KIAA1549L: variants seen among roughly 807,000 people sequenced by gnomAD.
The protein encoded by KIAA1549L is KIAA1549 like, also known as UPF0606 protein KIAA1549L.
Under a neutral mutation model 160.7 loss-of-function variants are expected in KIAA1549L, and 88 were observed. The ratio of observed to expected loss-of-function variants is 0.55; its 90% CI spans 0.46 to 0.65. KIAA1549L has a LOEUF of 0.65. Ranked by LOEUF, KIAA1549L falls within the 30% of genes least tolerant of loss-of-function variation. The pLI, the probability that KIAA1549L is intolerant of heterozygous loss-of-function variation, is 0.00. For missense variants in KIAA1549L, 2,258 were observed against 2,437.5 expected, an observed-to-expected ratio of 0.93 and a Z score of 1.55; for synonymous variants, 950 against 976.7, an observed-to-expected ratio of 0.97 and a Z score of 0.51.
At chr11:33,450,579 C>CAAA (rs1252412565) in intron 1 of KIAA1549L, 6 of 113,500 alleles carry the variant, frequency 5.3e-5, no homozygotes, top group African/African-American at 2.1e-4. Context: ...ACAACAACAA[C>CAAA]AACAACAACA....
rs1363142771 is a variant in KIAA1549L, at chr11:33,668,022, G to A, written c.6309G>A (p.Gln2103=). The A allele has an allele frequency of 6.2e-7, 1 of 1,614,024 alleles. No individual in the cohort carries two copies. The highest frequency in any genetic ancestry group is 1.1e-5 in the South Asian group (1 of 91,088). ...CGCCCTCCACAGCGGCCTCGCAGCA[G>A]AGCCTGGCAGAAAACGACCCGTCTG... ...APAPSTAASQ[Q]SLAENDPSDA... Residue 2103 remains glutamine (Q), a synonymous_variant, in exon 21 of 21, where the codon CAG becomes CAA. Coordinates refer to ENST00000658780, the MANE Select transcript of KIAA1549L (RefSeq NM_012194.3).
At chr11:33,473,317 G>C (rs1666671464) in intron 1 of KIAA1549L, among the ~76,000 whole-genome samples, 1 of 152,150 alleles carries the variant, frequency 6.6e-6, no homozygotes, top group African/African-American at 2.4e-5. Flanking sequence ...ATTAAGTACT[G>C]TAGGGTCAAA....
chr11:33,541,978 C>A lies in KIAA1549L; in HGVS notation c.415C>A (p.Arg139=). The change falls in exon 2 of 21, where the codon CGA becomes AGA. Residue 139 remains arginine, a synonymous_variant. Coordinates refer to ENST00000658780, the MANE Select transcript of KIAA1549L (RefSeq NM_012194.3). ...CAACACAAGCTTGCCACAGTCAGCC[C>A]GAACCCCTGCGTCCAAGACACACCA... ...SDNTSLPQSA[R]TPASKTHHRT... is the part of the protein sequence containing the mutation. 2.4e-6 allele frequency: 1 copy of A among 410,392 alleles called. No individual in the cohort carries two copies. Among genetic ancestry groups the A allele is most frequent in the South Asian group, 1.7e-5 (1 of 57,490 alleles). 25.4% of individuals were successfully genotyped at this position (410,392 alleles called of 1,614,324 possible).
At chr11:33,565,641 T>C (rs1282848801) in intron 8 of KIAA1549L, among the ~76,000 whole-genome samples, 1 of 151,550 alleles carries the variant, frequency 6.6e-6, no homozygotes, top group African/African-American at 2.4e-5. Context: ...GCTGTGGAGA[T>C]TGTCCAGTTG....
chr11:33,503,592 G>A (rs1853005145), intron 1 of KIAA1549L, among the ~76,000 whole-genome samples: 1 of 152,160 alleles, frequency 6.6e-6, no homozygotes, highest in Admixed American at 6.5e-5. Flanking sequence ...TTAAATAAGT[G>A]AGATAGTACA....
At chr11:33,604,817 G>A (rs910119447) in intron 13 of KIAA1549L, among the ~76,000 whole-genome samples, 2 of 152,154 alleles carry the variant, frequency 1.3e-5, no homozygotes, top group African/African-American at 4.8e-5. Context: ...TGAGGGGGGA[G>A]TGAGGGATAA....
chr11:33,583,898 G>A (rs1219835602), intron 11 of KIAA1549L, among the ~76,000 whole-genome samples: 2 of 152,240 alleles, frequency 1.3e-5, no homozygotes, highest in Non-Finnish European at 2.9e-5. Context: ...TGGTTGGTAA[G>A]TAGCAGAACT....
intron 10 of KIAA1549L, among the ~76,000 whole-genome samples, chr11:33,580,721 C>G (rs1189231498): frequency 6.6e-6 from 1 of 152,066 alleles, no homozygotes; most frequent in Non-Finnish European, 1.5e-5. Flanking sequence ...GCTCTGGGCA[C>G]TGGAGATAGA....
chr11:33,584,554 A>G (rs1855749354), intron 11 of KIAA1549L, among the ~76,000 whole-genome samples: 1 of 152,240 alleles, frequency 6.6e-6, no homozygotes, highest in South Asian at 2.1e-4. Flanking sequence ...CCATGAGGGA[A>G]ATATACTAAC....
chr11:33,514,936 G>A (rs541516138), intron 1 of KIAA1549L, among the ~76,000 whole-genome samples: 1 of 152,254 alleles, frequency 6.6e-6, no homozygotes, highest in South Asian at 2.1e-4. Context: ...ATGCTTACTT[G>A]GTGCATAAAA....
intron 1 of KIAA1549L, among the ~76,000 whole-genome samples, chr11:33,516,649 T>A (rs1023684154): frequency 1.3e-5 from 2 of 152,202 alleles, no homozygotes; most frequent in African/African-American, 4.8e-5. Context: ...ATAAATTCCC[T>A]CCTCTGCCTT....
rs66807433 is a variant in KIAA1549L at position 33,519,942 on chromosome 11, C to CTT, written c.239-21845_239-21844dup. On this transcript the variant is annotated intron_variant, in intron 1 of 20. Transcript: ENST00000658780. ...ATCAAAGGAAATATCGGGTCGCCAT[C>CTT]TTTTTTTTTTTTTTTTAACAACTTT... is the stretch of plus-strand genomic sequence containing the variant. Among the ~76,000 whole-genome samples the CTT allele has an allele frequency of 5.1e-3, 735 of 145,318 alleles. 7 individuals carry two copies. The highest frequency in any genetic ancestry group is 0.017 in the African/African-American group (696 of 39,808).
At chr11:33,628,043 C>T (rs1425841557) in intron 16 of KIAA1549L, among the ~76,000 whole-genome samples, 2 of 152,074 alleles carry the variant, frequency 1.3e-5, no homozygotes, top group East Asian at 3.9e-4. Context: ...TCGTTATGTA[C>T]CCAGTAGTCA....
intron 11 of KIAA1549L, among the ~76,000 whole-genome samples, chr11:33,584,798 G>A (rs895182663): frequency 3.9e-5 from 6 of 152,104 alleles, no homozygotes; most frequent in East Asian, 1.9e-4. Context: ...GAGCATTTTC[G>A]CCATTATACA....
At chr11:33,444,823 G>C (rs537955389) in intron 1 of KIAA1549L, among the ~76,000 whole-genome samples, 1 of 152,170 alleles carries the variant, frequency 6.6e-6, no homozygotes, top group Non-Finnish European at 1.5e-5. Flanking sequence ...GGTGGCCCCC[G>C]GTTCAGGTGT....
intron 9 of KIAA1549L, among the ~76,000 whole-genome samples, chr11:33,570,465 A>G (rs1855215132): frequency 6.6e-6 from 1 of 152,118 alleles, no homozygotes; most frequent in African/African-American, 2.4e-5. Flanking sequence ...GGAATTTGCT[A>G]TTAAGTTGAA....
At chr11:33,547,555 G>A (rs904155009) in intron 3 of KIAA1549L, among the ~76,000 whole-genome samples, 1 of 152,090 alleles carries the variant, frequency 6.6e-6, no homozygotes. Flanking sequence ...CTCTCTACTC[G>A]GGTCACACAA....
chr11:33,478,991 C>T (rs1299889297), intron 1 of KIAA1549L, among the ~76,000 whole-genome samples: 1 of 152,118 alleles, frequency 6.6e-6, no homozygotes, highest in East Asian at 1.9e-4. Flanking sequence ...GGCATGTTGC[C>T]CCTAAGGTTA....
intron 4 of KIAA1549L, among the ~76,000 whole-genome samples, chr11:33,549,350 A>G (rs1354625662): frequency 2.0e-5 from 3 of 152,212 alleles, no homozygotes; most frequent in African/African-American, 7.2e-5. Flanking sequence ...TGAGCCTGGT[A>G]TCCCTTTGTT....
Sources: gnomAD v4.1 joint callset for allele counts (sites outside exome capture counted in the v4.1 genomes callset) on GRCh38, gnomAD v4.1.1 for gene constraint, MANE v1.5 for transcripts, NCBI Gene and HGNC (gene_info 2026-07-23, HGNC 2026-07-21) for gene names.